ZCCHC24: variants seen among roughly 807,000 people sequenced by gnomAD.
ZCCHC24 encodes zinc finger CCHC-type containing 24.
A neutral mutation model predicts 26.2 loss-of-function variants in ZCCHC24; 10 were observed. The observed-to-expected ratio is 0.38, with a 90% CI of 0.24 to 0.65. The LOEUF (loss-of-function observed/expected upper bound fraction) is 0.65. Ranked by LOEUF, ZCCHC24 falls within the 30% of genes least tolerant of loss-of-function variation. The pLI is 0.54. For synonymous variants in ZCCHC24, 144 were observed against 147.1 expected, an observed-to-expected ratio of 0.98 and a Z score of 0.15; for missense variants, 243 against 329.1, an observed-to-expected ratio of 0.74 and a Z score of 2.03.
chr10:79,391,619 C>T lies in ZCCHC24; in HGVS notation c.612+2657G>A, dbSNP rs76732992. 5.9e-3 allele frequency among the ~76,000 whole-genome samples: 903 copies of T among 152,046 alleles called. 8 individuals carry two copies. The highest frequency in any genetic ancestry group is 1.0e-2 in the Non-Finnish European group (679 of 67,940). On this transcript the variant is annotated intron_variant, in intron 3 of 3. Transcript: ENST00000372336. ...CCTGCAGAAACTGGGCTGTTCCTGA[C>T]TCCTGCCCCCAGCCAGCCACCATTA...
In ZCCHC24 at chr10:79,388,920, G is replaced by C. The variant is rs1046940316; in HGVS notation, c.613-2462C>G. 2.0e-5 allele frequency among the ~76,000 whole-genome samples: 3 copies of C among 152,210 alleles called. No individual in the cohort carries two copies. In the East Asian group the frequency reaches 5.8e-4, roughly 29 times the overall value. On this transcript the variant is annotated intron_variant, in intron 3 of 3. Transcript: ENST00000372336. Reference sequence around the variant, plus strand: ...GGGGCCTGCAGTGAGGAGGTGGTAGGTAGGGTGGCTGGAAAGCCACACATG... The same window carrying C: ...GGGGCCTGCAGTGAGGAGGTGGTAGCTAGGGTGGCTGGAAAGCCACACATG...
rs1212506819 is a variant in ZCCHC24 at position 79,394,121 on chromosome 10, C to CTTCCG, written c.612+154_612+155insCGGAA. ...TTGGTGCAGTTGCCCCATCATCCTC[C>CTTCCG]TTCCCTTCCCTTCCCTCCCATTTCA... On this transcript the variant is annotated intron_variant, in intron 3 of 3. Coordinates refer to ENST00000372336, the MANE Select transcript of ZCCHC24 (RefSeq NM_153367.4). Among the ~76,000 whole-genome samples, 13 of 152,340 alleles carry CTTCCG rather than the reference C, an allele frequency of 8.5e-5. No homozygotes were observed. In the South Asian group the frequency reaches 2.3e-3, roughly 27 times the overall value.
chr10:79,438,904 G>GT (rs929111236), intron 1 of ZCCHC24, among the ~76,000 whole-genome samples: 3 of 152,348 alleles, frequency 2.0e-5, no homozygotes, highest in Middle Eastern at 3.4e-3. Flanking sequence ...CCCAGCTAGT[G>GT]TGTAAGCACT....
At chr10:79,434,830 T>C (rs540021512) in intron 1 of ZCCHC24, among the ~76,000 whole-genome samples, 2 of 152,332 alleles carry the variant, frequency 1.3e-5, no homozygotes, top group Admixed American at 6.5e-5. Flanking sequence ...ATCGCCACCG[T>C]CCAGCTCCAG....
At chr10:79,435,726 GGTACCCAGCCAGGC>G (rs1857207433) in intron 1 of ZCCHC24, among the ~76,000 whole-genome samples, 1 of 152,258 alleles carries the variant, frequency 6.6e-6, no homozygotes, top group Non-Finnish European at 1.5e-5. Context: ...CGCAGACCAG[GGTACCCAGCCAGGC>G]CCCAGGGCCA....
At chr10:79,421,825 C>T (rs1202429974) in intron 2 of ZCCHC24, among the ~76,000 whole-genome samples, 1 of 152,098 alleles carries the variant, frequency 6.6e-6, no homozygotes, top group East Asian at 1.9e-4. Context: ...GATGAGGTTT[C>T]ATCATGTTGG....
chr10:79,393,914 A>G (rs891221499), intron 3 of ZCCHC24, among the ~76,000 whole-genome samples: 16 of 151,310 alleles, frequency 1.1e-4, no homozygotes, highest in African/African-American at 3.7e-4. Context: ...AGCTGGCCCT[A>G]CCCCTCCCAC....
intron 2 of ZCCHC24, among the ~76,000 whole-genome samples, chr10:79,430,712 A>ACACACACACG (rs1311631405): frequency 6.7e-6 from 1 of 149,012 alleles, no homozygotes; most frequent in African/African-American, 2.5e-5. Context: ...ACACACACAC[A>ACACACACACG]CCCTCTGCTA....
chr10:79,444,253 G>C (rs1439315794), intron 1 of ZCCHC24: 1 of 1,451,222 alleles, frequency 6.9e-7, no homozygotes, highest in Admixed American at 2.7e-5. Flanking sequence ...GGAGTAAATG[G>C]AGGGAGGGGA....
At chr10:79,431,484 T>C (rs959782489) in intron 2 of ZCCHC24, among the ~76,000 whole-genome samples, 4 of 152,178 alleles carry the variant, frequency 2.6e-5, no homozygotes, top group African/African-American at 9.7e-5. Flanking sequence ...CTTGCTAAGA[T>C]GCTGCTCTGA....
chr10:79,417,017 A>G (rs1472017691), intron 2 of ZCCHC24, among the ~76,000 whole-genome samples: 2 of 152,228 alleles, frequency 1.3e-5, no homozygotes, highest in African/African-American at 4.8e-5. Context: ...ACAGCAACGC[A>G]ATGGCTCACA....
chr10:79,417,803 G>A (rs1462369133), intron 2 of ZCCHC24, among the ~76,000 whole-genome samples: 1 of 152,198 alleles, frequency 6.6e-6, no homozygotes, highest in African/African-American at 2.4e-5. Flanking sequence ...TTTCTTCCCT[G>A]CACCTGCTGC....
At position 79,445,222 on chromosome 10, in the gene ZCCHC24, G is replaced by A; in HGVS notation, c.219C>T (p.Asn73=). ...CTCCGCGCTGCAGCTGGAAGAAGCT[G>A]TTGAGATAGCTGGAGTGCAGGGGCG... ...LGSPLHSSYL[N]SFFQLQRGEA... Residue 73 remains asparagine (N), a synonymous_variant, in exon 1 of 4, where the codon AAC becomes AAT. Coordinates refer to ENST00000372336, the MANE Select transcript of ZCCHC24 (RefSeq NM_153367.4). 7.5e-7 allele frequency: 1 copy of A among 1,325,116 alleles called. No homozygotes were observed. The highest frequency in any genetic ancestry group is 9.7e-7 in the Non-Finnish European group (1 of 1,030,272). The allele number at this position is 1,325,116 out of a possible 1,614,324, so 82.1% of individuals were successfully genotyped here.
At chr10:79,422,905 A>G (rs1856967439) in intron 2 of ZCCHC24, among the ~76,000 whole-genome samples, 1 of 152,220 alleles carries the variant, frequency 6.6e-6, no homozygotes, top group African/African-American at 2.4e-5. Context: ...TCAGTGCCTG[A>G]AGGGTGGCTG....
Position 79,445,264 on chromosome 10 carries a change from G to A in ZCCHC24, c.177C>T (p.Arg59=). The A allele has an allele frequency of 2.8e-6, 4 of 1,447,984 alleles. No individual in the cohort carries two copies. The highest frequency in any genetic ancestry group is 2.1e-4 in the Middle Eastern group (1 of 4,708). The allele number at this position is 1,447,984 out of a possible 1,614,324, so 89.7% of individuals were successfully genotyped here. Residue 59 remains arginine, a synonymous_variant, in exon 1 of 4, where the codon CGC becomes CGT. Transcript: ENST00000372336. ...APPELAFGKG[R]PEQLGSPLHS... ...GCAGGGGCGAGCCCAGCTGCTCGGGGCGGCCCTTGCCGAAGGCCAGCTCCG... is the reference window on the plus strand; with the variant it reads ...GCAGGGGCGAGCCCAGCTGCTCGGGACGGCCCTTGCCGAAGGCCAGCTCCG...
chr10:79,423,063 T>C (rs1046855971), intron 2 of ZCCHC24, among the ~76,000 whole-genome samples: 1 of 152,182 alleles, frequency 6.6e-6, no homozygotes, highest in African/African-American at 2.4e-5. Flanking sequence ...ACTGTGGGCA[T>C]GTGGACCCTC....
Position 79,384,875 on chromosome 10 carries a change from G to C in ZCCHC24, c.*1470C>G, listed in dbSNP as rs1394154817. On this transcript the variant is annotated 3_prime_UTR_variant, in exon 4 of 4. Transcript: ENST00000372336. ...GGGCAAAATCAAGAGACCCAGTTCT[G>C]ACAGCCGGGAGAAAGGAAGGGTCAA... The C allele has an allele frequency of 6.6e-6, 1 of 151,608 alleles. No homozygotes were observed. Among genetic ancestry groups the C allele is most frequent in the African/African-American group, 2.4e-5 (1 of 41,086 alleles). The allele number at this position is 151,608 out of a possible 1,614,324, so 9.4% of individuals were successfully genotyped here.
At chr10:79,426,457 C>T (rs11002977) in intron 2 of ZCCHC24, among the ~76,000 whole-genome samples, 3 of 152,228 alleles carry the variant, frequency 2.0e-5, no homozygotes, top group East Asian at 1.9e-4. Context: ...TTAAACAATA[C>T]GTCCAAGCAC....
chr10:79,416,482 G>C (rs2132200600), intron 2 of ZCCHC24, among the ~76,000 whole-genome samples: 1 of 152,286 alleles, frequency 6.6e-6, no homozygotes, highest in African/African-American at 2.4e-5. Flanking sequence ...GAGCTGGTGG[G>C]ATAAGGTGGG....
Sources: allele counts gnomAD v4.1 joint callset (sites outside exome capture counted in the v4.1 genomes callset), GRCh38; gene constraint gnomAD v4.1.1; transcripts MANE v1.5; gene names NCBI Gene and HGNC (gene_info 2026-07-23, HGNC 2026-07-21).